Variants in KCNIP4 observed in about 807,000 individuals in gnomAD.
The protein encoded by KCNIP4 is potassium voltage-gated channel interacting protein 4, also known as Kv channel-interacting protein 4.
KCNIP4 carries 12 observed loss-of-function variants against 34.0 expected under a neutral mutation model. The ratio of observed to expected loss-of-function variants is 0.35; its 90% CI spans 0.23 to 0.57. The LOEUF (loss-of-function observed/expected upper bound fraction) is 0.57, where lower values mean the gene tolerates loss of function less well. KCNIP4 is among the 20% of genes least tolerant of loss of function. The pLI is 0.83. For synonymous variants in KCNIP4, 124 were observed against 102.2 expected, an observed-to-expected ratio of 1.21 and a Z score of -1.29; for missense variants, 238 against 311.7, an observed-to-expected ratio of 0.76 and a Z score of 1.78.
intron 1 of KCNIP4, chr4:21,718,498 C>T (rs574605616): frequency 4.1e-4 from 62 of 151,002 alleles, no homozygotes; most frequent in African/African-American, 1.4e-3. Flanking sequence ...ATGTGCAGGA[C>T]GTGGAATTTT....
chr4:21,574,231 C>T (rs984828119), intron 1 of KCNIP4, among the ~76,000 whole-genome samples: 3 of 152,184 alleles, frequency 2.0e-5, no homozygotes, highest in African/African-American at 4.8e-5. Context: ...GTAAGTTTAT[C>T]GTGTACCTGA....
At chr4:21,036,255 C>G (rs752809270) in intron 1 of KCNIP4, among the ~76,000 whole-genome samples, 1 of 152,140 alleles carries the variant, frequency 6.6e-6, no homozygotes, top group Non-Finnish European at 1.5e-5. Context: ...CTAGGAAATT[C>G]ATGATCAGAG....
intron 2 of KCNIP4, among the ~76,000 whole-genome samples, chr4:20,864,317 C>T (rs569605042): frequency 5.0e-4 from 75 of 150,192 alleles, no homozygotes; most frequent in Non-Finnish European, 8.1e-4. Context: ...TATATACATA[C>T]GTTTATATGC....
At chr4:21,726,171 T>C (rs371848226) in intron 1 of KCNIP4, among the ~76,000 whole-genome samples, 1 of 152,140 alleles carries the variant, frequency 6.6e-6, no homozygotes, top group Non-Finnish European at 1.5e-5. Context: ...GGGACATCAG[T>C]GTACTGTTAG....
intron 1 of KCNIP4, among the ~76,000 whole-genome samples, chr4:21,492,036 T>C (rs1426134101): frequency 1.3e-5 from 2 of 152,222 alleles, no homozygotes; most frequent in Non-Finnish European, 2.9e-5. Flanking sequence ...TTCTCTACTG[T>C]ATCCAACTAA....
chr4:21,704,915 G>A (rs962494723), intron 1 of KCNIP4, among the ~76,000 whole-genome samples: 2 of 151,970 alleles, frequency 1.3e-5, no homozygotes, highest in East Asian at 3.9e-4. Flanking sequence ...ACCTGTACAC[G>A]GATGCTTATA....
intron 1 of KCNIP4, among the ~76,000 whole-genome samples, chr4:21,408,227 AT>A (rs1185879702): frequency 1.3e-5 from 2 of 152,202 alleles, no homozygotes; most frequent in Admixed American, 6.5e-5. Flanking sequence ...TAATATGATA[AT>A]ATAGAAATAT....
intron 1 of KCNIP4, among the ~76,000 whole-genome samples, chr4:21,061,171 T>C (rs1242650115): frequency 2.0e-5 from 3 of 152,144 alleles, no homozygotes; most frequent in African/African-American, 7.2e-5. Context: ...AGATTAACAT[T>C]TATAATTTGT....
chr4:21,604,466 C>T (rs1690802390), intron 1 of KCNIP4, among the ~76,000 whole-genome samples: 1 of 152,092 alleles, frequency 6.6e-6, no homozygotes, highest in South Asian at 2.1e-4. Flanking sequence ...ACTTATTAAA[C>T]ATTGTAATAC....
intron 1 of KCNIP4, among the ~76,000 whole-genome samples, chr4:21,135,591 T>A (rs886874679): frequency 6.6e-6 from 1 of 152,220 alleles, no homozygotes. Flanking sequence ...TCCTAAAATG[T>A]TATCTTAATC....
chr4:21,707,657 T>A (rs78599869), intron 1 of KCNIP4, among the ~76,000 whole-genome samples: 2,102 of 151,736 alleles, frequency 0.014, 29 homozygotes, highest in Non-Finnish European at 0.019. Context: ...GCCCTGAGAG[T>A]CAGAGACAGA....
chr4:21,863,253 G>A (rs542496530), intron 1 of KCNIP4, among the ~76,000 whole-genome samples: 1 of 127,286 alleles, frequency 7.9e-6, no homozygotes, highest in Admixed American at 1.1e-4. Flanking sequence ...TAAATTCCAC[G>A]GATTGAATTT....
chr4:20,863,714 T>C (rs1284723690), intron 2 of KCNIP4, among the ~76,000 whole-genome samples: 5 of 152,148 alleles, frequency 3.3e-5, no homozygotes, highest in Non-Finnish European at 7.4e-5. Context: ...CTGTCATGAT[T>C]TCCTCAGTGA....
At chr4:21,087,184 G>A (rs1308816217) in intron 1 of KCNIP4, among the ~76,000 whole-genome samples, 2 of 146,746 alleles carry the variant, frequency 1.4e-5, no homozygotes, top group African/African-American at 5.1e-5. Context: ...GTGTGTGTGT[G>A]TGTGTGTTTT....
rs1184881376 is a variant in KCNIP4 at position 21,153,467 on chromosome 4, T to TTA, written c.62-270760_62-270759dup. On this transcript the variant is annotated intron_variant, in intron 1 of 8. Coordinates refer to ENST00000382152, the MANE Select transcript of KCNIP4 (RefSeq NM_025221.6). ...TCTGTCCCTCTCTCTCTCTCTCTCTTTATATATATACATATATATGTGTAT... is the reference window on the plus strand; with the variant it reads ...TCTGTCCCTCTCTCTCTCTCTCTCTTTATATATATATACATATATATGTGTAT... Among the ~76,000 whole-genome samples, 214 of 147,374 alleles carry TTA rather than the reference T, an allele frequency of 1.5e-3. 1 individual carries two copies. The highest frequency in any genetic ancestry group is 0.014 in the Admixed American group (197 of 14,542).
At chr4:21,185,492 T>C (rs1755148869) in intron 1 of KCNIP4, among the ~76,000 whole-genome samples, 1 of 151,750 alleles carries the variant, frequency 6.6e-6, no homozygotes, top group South Asian at 2.1e-4. Context: ...CCCCTCCTCT[T>C]CTCCTTTTTC....
intron 1 of KCNIP4, among the ~76,000 whole-genome samples, chr4:21,100,827 A>G (rs564489006): frequency 1.3e-5 from 2 of 152,196 alleles, no homozygotes; most frequent in African/African-American, 4.8e-5. Context: ...GGGAAACCAA[A>G]AACTTCTTGT....
intron 2 of KCNIP4, among the ~76,000 whole-genome samples, chr4:20,868,804 T>C (rs1723127565): frequency 6.6e-6 from 1 of 151,966 alleles, no homozygotes; most frequent in South Asian, 2.1e-4. Flanking sequence ...TGGAAATAAA[T>C]ATGGGAACAG....
chr4:21,075,567 C>G (rs1017727347), intron 1 of KCNIP4, among the ~76,000 whole-genome samples: 4 of 152,096 alleles, frequency 2.6e-5, no homozygotes, highest in African/African-American at 9.7e-5. Flanking sequence ...GAATATAGCA[C>G]ACTGATGAGT....
Sources: gnomAD v4.1 joint callset for allele counts (sites outside exome capture counted in the v4.1 genomes callset) on GRCh38, gnomAD v4.1.1 for gene constraint, MANE v1.5 for transcripts, NCBI Gene and HGNC (gene_info 2026-07-23, HGNC 2026-07-21) for gene names.